Variants in ZSCAN18 observed in about 807,000 individuals in gnomAD.
ZSCAN18 encodes the protein zinc finger and SCAN domain-containing protein 18.
A neutral mutation model predicts 31.1 loss-of-function variants in ZSCAN18; 16 were observed. The ratio of observed to expected loss-of-function variants is 0.51; its 90% CI spans 0.35 to 0.78. ZSCAN18 has a LOEUF of 0.78. Ranked by LOEUF, ZSCAN18 falls within the 30% of genes least tolerant of loss-of-function variation. The pLI, the probability that ZSCAN18 is intolerant of heterozygous loss-of-function variation, is 0.01. For synonymous variants in ZSCAN18, 375 were observed against 320.7 expected, an observed-to-expected ratio of 1.17 and a Z score of -1.81; for missense variants, 731 against 697.4, an observed-to-expected ratio of 1.05 and a Z score of -0.54.
At chr19:58,106,402 A>C (rs2074634183) in intron 1 of ZSCAN18, among the ~76,000 whole-genome samples, 1 of 151,568 alleles carries the variant, frequency 6.6e-6, no homozygotes, top group Admixed American at 6.6e-5. Context: ...ACCATGTCTC[A>C]AAAGAAAAAA....
rs2074221400 is a variant in ZSCAN18 at position 58,084,634 on chromosome 19, G to A, written c.*51C>T. 2.8e-6 allele frequency: 4 copies of A among 1,421,484 alleles called. No homozygotes were observed. Among genetic ancestry groups the A allele is most frequent in the Non-Finnish European group, 3.7e-6 (4 of 1,088,644 alleles). 88.1% of individuals were successfully genotyped at this position (1,421,484 alleles called of 1,614,324 possible). A position where few individuals can be genotyped will look rare whatever the true frequency, so the allele number is the denominator to read the frequency against. Reference sequence around the variant, plus strand: ...CGTGGAAAGGCCCAATGCCTCGTCTGGGATTCACGGCCGGCAAAGCGGCCC... The same window carrying A: ...CGTGGAAAGGCCCAATGCCTCGTCTAGGATTCACGGCCGGCAAAGCGGCCC... On this transcript the variant is annotated 3_prime_UTR_variant, in exon 7 of 7. Transcript: ENST00000601144. This position sits in a 1 kb window ranked among gnomAD's most constrained non-coding sequence, Gnocchi z 4.5.
rs2074341235 is a variant in ZSCAN18 at position 58,088,850 on chromosome 19, G to T, written c.404-13C>A. 6.2e-7 allele frequency: 1 copy of T among 1,605,652 alleles called. No individual in the cohort carries two copies. The highest frequency in any genetic ancestry group is 1.1e-5 in the South Asian group (1 of 90,826). ...CCCAGCAGCATCCCTGTCAACAGTG[G>T]AGGGACCTGTGACCCCAAGAGGTCA... On this transcript the variant is annotated splice_polypyrimidine_tract_variant and intron_variant, in intron 2 of 6. Transcript: ENST00000601144.
chr19:58,085,761 C>T (rs939684726), intron 6 of ZSCAN18: 1 of 317,354 alleles, frequency 3.2e-6, no homozygotes, highest in African/African-American at 2.2e-5. Flanking sequence ...GCCCGGCTGC[C>T]AGCGAAGAGA....
At chr19:58,113,238 C>G (rs1385255548) in intron 1 of ZSCAN18, among the ~76,000 whole-genome samples, 2 of 151,736 alleles carry the variant, frequency 1.3e-5, no homozygotes, top group African/African-American at 4.8e-5. Flanking sequence ...ATGGCGTGAA[C>G]CCGGGAGGCG....
chr19:58,092,300 C>G (rs1413697079), intron 1 of ZSCAN18: 2 of 152,192 alleles, frequency 1.3e-5, no homozygotes, highest in African/African-American at 4.8e-5. Flanking sequence ...CAGGGCTGGG[C>G]ACAGTGGCTG....
rs542182763 is a variant in ZSCAN18 at position 58,118,155 on chromosome 19, C to G, written c.130+112G>C. On this transcript the variant is annotated intron_variant, in intron 1 of 1. Coordinates refer to the ZSCAN18 transcript ENST00000595721. ...CGCCCCGCCGGGAACCACAAGCCAG[C>G]GCCCCTAACAAGCCCCTGCCCAGAG... 1.1e-4 allele frequency: 51 copies of G among 465,738 alleles called. 1 individual carries two copies. The highest frequency in any genetic ancestry group is 7.9e-4 in the African/African-American group (39 of 49,248). The allele number at this position is 465,738 out of a possible 1,614,324, so 28.9% of individuals were successfully genotyped here. A position where few individuals can be genotyped will look rare whatever the true frequency, so the allele number is the denominator to read the frequency against.
At chr19:58,107,651 T>C (rs1340920005) in intron 1 of ZSCAN18, 2 of 985,752 alleles carry the variant, frequency 2.0e-6, no homozygotes, top group Non-Finnish European at 2.4e-6. Context: ...TGGAAAAACA[T>C]ATTTGTTACT....
intron 1 of ZSCAN18, among the ~76,000 whole-genome samples, chr19:58,112,950 C>CAAAAAAAAAAAAAAAA (rs55721042): frequency 1.4e-5 from 1 of 69,482 alleles, no homozygotes; most frequent in East Asian, 4.3e-4. Context: ...GGCTCCGTTT[C>CAAAAAAAAAAAAAAAA]AAAAAAAAAA....
At chr19:58,097,333 C>T (rs1455271238) in intron 1 of ZSCAN18, among the ~76,000 whole-genome samples, 1 of 151,730 alleles carries the variant, frequency 6.6e-6, no homozygotes, top group East Asian at 1.9e-4. Flanking sequence ...AGGAAGGAGC[C>T]CAGGAGGGTG....
At chr19:58,092,101 G>A (rs1230801607) in intron 1 of ZSCAN18, among the ~76,000 whole-genome samples, 6 of 152,152 alleles carry the variant, frequency 3.9e-5, no homozygotes, top group African/African-American at 1.2e-4. Context: ...CTGTTGCCAG[G>A]GGCTGGGGTT....
chr19:58,106,407 A>C (rs2074634199), intron 1 of ZSCAN18, among the ~76,000 whole-genome samples: 1 of 149,776 alleles, frequency 6.7e-6, no homozygotes, highest in Non-Finnish European at 1.5e-5. Context: ...GTCTCAAAAG[A>C]AAAAAAGACA....
intron 1 of ZSCAN18, among the ~76,000 whole-genome samples, chr19:58,110,081 T>C (rs1306303535): frequency 1.2e-4 from 19 of 152,156 alleles, no homozygotes; most frequent in Admixed American, 1.2e-3. Context: ...AGTCTCACTA[T>C]GTTGCCCAGG....
intron 4 of ZSCAN18, 121 bp from the exon 5 acceptor site, chr19:58,087,129 G>T: frequency 9.9e-7 from 1 of 1,005,648 alleles, no homozygotes; most frequent in Non-Finnish European, 1.5e-6. Context: ...TAACCCAGGT[G>T]CACTGCAGGA....
intron 1 of ZSCAN18, among the ~76,000 whole-genome samples, chr19:58,106,703 C>CAAAA (rs1225360206): frequency 8.0e-3 from 14 of 1,760 alleles, no homozygotes; most frequent in East Asian, 0.019. Context: ...GACTCCGTCT[C>CAAAA]AAAAAAAAAA....
chr19:58,105,308 G>A (rs2074626474), intron 1 of ZSCAN18, among the ~76,000 whole-genome samples: 1 of 152,166 alleles, frequency 6.6e-6, no homozygotes, highest in South Asian at 2.1e-4. Flanking sequence ...CCAACACAAC[G>A]TGTATTCTGC....
chr19:58,112,216 C>A (rs977288199), intron 1 of ZSCAN18, among the ~76,000 whole-genome samples: 4 of 152,090 alleles, frequency 2.6e-5, no homozygotes, highest in Non-Finnish European at 5.9e-5. Context: ...GTATTTCTTG[C>A]AGAGATGGGG....
chr19:58,093,507 ACT>A (rs2074457239), intron 1 of ZSCAN18: 1 of 151,128 alleles, frequency 6.6e-6, no homozygotes, highest in Non-Finnish European at 1.5e-5. Context: ...CTCCTCACAC[ACT>A]CCACCTGCTG....
intron 1 of ZSCAN18, among the ~76,000 whole-genome samples, chr19:58,095,661 G>A (rs1047852413): frequency 2.0e-5 from 3 of 152,164 alleles, no homozygotes; most frequent in Non-Finnish European, 2.9e-5. Flanking sequence ...TGGCAGGGGC[G>A]GGATGACGTG....
chr19:58,101,538 G>A (rs1014431689), upstream of ZSCAN18, among the ~76,000 whole-genome samples: 1 of 88,144 alleles, frequency 1.1e-5, no homozygotes, highest in Admixed American at 1.2e-4. Context: ...TTTTTTTTTT[G>A]AGACAGAGTC....
Sources: allele counts gnomAD v4.1 joint callset (sites outside exome capture counted in the v4.1 genomes callset), GRCh38; gene constraint gnomAD v4.1.1; non-coding constraint Gnocchi (gnomAD v3.1); transcripts MANE v1.5; gene names NCBI Gene and HGNC (gene_info 2026-07-23, HGNC 2026-07-21).